KCND3: variants seen among roughly 807,000 people sequenced by gnomAD.
The protein encoded by KCND3 is potassium voltage-gated channel subfamily D member 3.
KCND3 carries 9 observed loss-of-function variants against 51.1 expected under a neutral mutation model. The observed-to-expected ratio is 0.18, with a 90% CI of 0.11 to 0.31. The LOEUF (loss-of-function observed/expected upper bound fraction) is 0.31. Among genes scored for constraint, KCND3 ranks in the 10% least tolerant of loss-of-function variants. The probability of loss-of-function intolerance (pLI) is 1.00; values close to 1 mark genes in which losing one functional copy is unlikely to be tolerated. For missense variants in KCND3, 526 were observed against 903.8 expected, an observed-to-expected ratio of 0.58 and a Z score of 5.36; for synonymous variants, 349 against 368.0, an observed-to-expected ratio of 0.95 and a Z score of 0.59.
At chr1:111,875,697 C>G (rs12068670) in intron 2 of KCND3, among the ~76,000 whole-genome samples, 15,842 of 152,234 alleles carry the variant, frequency 0.1, 860 homozygotes, top group East Asian at 0.17. Flanking sequence ...TTCTCCTCCC[C>G]CTGGGACACT....
chr1:111,927,459 T>C (rs2101851910), intron 2 of KCND3, among the ~76,000 whole-genome samples: 1 of 152,346 alleles, frequency 6.6e-6, no homozygotes, highest in Non-Finnish European at 1.5e-5. Context: ...GAGAACAGGA[T>C]GGAGAATGTG....
At chr1:111,809,761 G>A (rs1027342174) in intron 2 of KCND3, among the ~76,000 whole-genome samples, 3 of 152,152 alleles carry the variant, frequency 2.0e-5, no homozygotes, top group African/African-American at 7.2e-5. Flanking sequence ...TTAAATGATA[G>A]TCGTTACATG....
At chr1:111,896,119 C>T (rs986243642) in intron 2 of KCND3, among the ~76,000 whole-genome samples, 2 of 152,210 alleles carry the variant, frequency 1.3e-5, no homozygotes, top group African/African-American at 4.8e-5. Context: ...GTGTGACCAG[C>T]CCCACGGTGC....
In KCND3 at chr1:111,963,986, G is replaced by T. The variant is rs142188083; in HGVS notation, c.1106+17635C>A. 6.5e-3 allele frequency among the ~76,000 whole-genome samples: 994 copies of T among 152,336 alleles called. 10 individuals carry two copies. The highest frequency in any genetic ancestry group is 0.037 in the Middle Eastern group (11 of 294). On this transcript the variant is annotated intron_variant, in intron 2 of 7. Transcript: ENST00000302127. ...TTCAGAGGGAATTAGTCCTCCCCAA[G>T]AAAGAAGAAGAGAAGTCATCCTTTA...
intron 2 of KCND3, among the ~76,000 whole-genome samples, chr1:111,934,340 G>A (rs1274540309): frequency 2.0e-5 from 3 of 152,172 alleles, no homozygotes; most frequent in Admixed American, 6.5e-5. Context: ...CTCATCAGAC[G>A]TGGGGCTCAG....
chr1:111,923,352 T>A (rs909846610), intron 2 of KCND3, among the ~76,000 whole-genome samples: 3 of 152,210 alleles, frequency 2.0e-5, no homozygotes, highest in African/African-American at 7.2e-5. Context: ...ACTATCTGAT[T>A]CCTCAATGCA....
chr1:111,786,582 A>G (rs1664612473), intron 3 of KCND3, among the ~76,000 whole-genome samples: 1 of 152,172 alleles, frequency 6.6e-6, no homozygotes, highest in Admixed American at 6.5e-5. Context: ...AGGCTTTTAT[A>G]GGATATTAAA....
chr1:111,826,610 G>C (rs1432470112), intron 2 of KCND3, among the ~76,000 whole-genome samples: 10 of 152,166 alleles, frequency 6.6e-5, no homozygotes. Flanking sequence ...TTTGGGTCAA[G>C]AGGTCACTCA....
intron 2 of KCND3, among the ~76,000 whole-genome samples, chr1:111,922,075 T>C (rs1328180403): frequency 6.6e-6 from 1 of 152,226 alleles, no homozygotes; most frequent in Non-Finnish European, 1.5e-5. Context: ...CTCCAACTAT[T>C]TGTTGCCTTG....
chr1:111,808,467 C>T (rs1366057731), intron 2 of KCND3, among the ~76,000 whole-genome samples: 1 of 152,208 alleles, frequency 6.6e-6, no homozygotes, highest in African/African-American at 2.4e-5. Context: ...TGATGATGTA[C>T]AAATGCAAGG....
intron 2 of KCND3, among the ~76,000 whole-genome samples, chr1:111,835,025 A>C (rs1372875930): frequency 6.6e-6 from 1 of 152,212 alleles, no homozygotes; most frequent in Non-Finnish European, 1.5e-5. Context: ...GAGGGTGCTC[A>C]GTGCCTCTAA....
intron 2 of KCND3, among the ~76,000 whole-genome samples, chr1:111,806,763 C>T (rs1665590207): frequency 6.6e-6 from 1 of 152,142 alleles, no homozygotes; most frequent in Non-Finnish European, 1.5e-5. Context: ...AGTATTCAAC[C>T]CCACCCTTGC....
intron 2 of KCND3, among the ~76,000 whole-genome samples, chr1:111,814,241 T>C (rs1665982353): frequency 1.1e-5 from 1 of 93,966 alleles, no homozygotes; most frequent in South Asian, 4.3e-4. Flanking sequence ...GTGCTTATCC[T>C]AGGAGCAGGC....
chr1:111,816,477 G>C (rs1357136650), intron 2 of KCND3, among the ~76,000 whole-genome samples: 1 of 152,240 alleles, frequency 6.6e-6, no homozygotes, highest in Non-Finnish European at 1.5e-5. Flanking sequence ...TTCTTTCCTA[G>C]TGACTGGAGA....
chr1:111,883,134 C>T (rs1203241476), intron 2 of KCND3, among the ~76,000 whole-genome samples: 1 of 152,224 alleles, frequency 6.6e-6, no homozygotes, highest in Non-Finnish European at 1.5e-5. Flanking sequence ...GACAACTGGT[C>T]CATCTGAACC....
chr1:111,841,835 C>G (rs1013326051), intron 2 of KCND3, among the ~76,000 whole-genome samples: 17 of 152,188 alleles, frequency 1.1e-4, no homozygotes, highest in Admixed American at 1.1e-3. Context: ...ATTTCAGTGT[C>G]TGCTTGTTTG....
chr1:111,780,058 C>T lies in KCND3; in HGVS notation c.1461+167G>A, dbSNP rs1358081122. On this transcript the variant is annotated intron_variant, in intron 5 of 7. Transcript: ENST00000302127. This position sits in a 1 kb window ranked among gnomAD's most constrained non-coding sequence, Gnocchi z 4.2. The stretch of plus-strand genomic sequence containing the variant: ...TGGTCTCCCACCCTGGTGACCTTGC[C>T]CCACTCCTCAGGGTCTTCCACCTGA... Among the ~76,000 whole-genome samples the T allele has an allele frequency of 3.3e-5, 5 of 152,212 alleles. No individual in the cohort carries two copies. The highest frequency in any genetic ancestry group is 9.7e-5 in the African/African-American group (4 of 41,450).
chr1:111,989,230 C>G (rs1345293070), intron 1 of KCND3: 2 of 152,358 alleles, frequency 1.3e-5, no homozygotes, highest in East Asian at 3.8e-4. Flanking sequence ...GGAAGACAGG[C>G]CAATGGAAAG....
intron 5 of KCND3, among the ~76,000 whole-genome samples, chr1:111,779,635 T>A (rs920877483): frequency 9.4e-5 from 13 of 138,530 alleles, no homozygotes; most frequent in African/African-American, 3.5e-4. Flanking sequence ...CCCTAAACCA[T>A]GGCTCTGTTT....
Sources: allele counts gnomAD v4.1 joint callset (sites outside exome capture counted in the v4.1 genomes callset), GRCh38; gene constraint gnomAD v4.1.1; non-coding constraint Gnocchi (gnomAD v3.1); transcripts MANE v1.5; gene names NCBI Gene and HGNC (gene_info 2026-07-23, HGNC 2026-07-21).